Variants in TMEM182 observed in about 807,000 individuals in gnomAD.
The protein encoded by TMEM182 is transmembrane protein 182.
In TMEM182, 20 loss-of-function variants were observed where a neutral mutation model predicts 26.8. That is an observed-to-expected ratio of 0.75 (90% CI 0.53 to 1.09). The LOEUF is 1.09. Among genes scored for constraint, TMEM182 ranks in the 50% least tolerant of loss-of-function variants. The pLI, the probability that TMEM182 is intolerant of heterozygous loss-of-function variation, is 0.00. For synonymous variants in TMEM182, 109 were observed against 102.2 expected (o/e 1.07, Z -0.40); for missense variants, 277 against 275.5 (o/e 1.01, Z -0.04).
chr2:102,778,969 T>C (rs1681045786), intron 3 of TMEM182, among the ~76,000 whole-genome samples: 1 of 152,160 alleles, frequency 6.6e-6, no homozygotes, highest in Non-Finnish European at 1.5e-5. Flanking sequence ...TTCTGTTATT[T>C]TGCTTTTGTT....
chr2:102,791,982 A>G (rs1469262496), intron 3 of TMEM182, among the ~76,000 whole-genome samples: 2 of 151,804 alleles, frequency 1.3e-5, no homozygotes, highest in African/African-American at 4.8e-5. Context: ...CAAAAATTGC[A>G]TAGGAATATA....
intron 3 of TMEM182, among the ~76,000 whole-genome samples, chr2:102,764,712 C>A (rs1017962193): frequency 2.0e-5 from 3 of 151,934 alleles, no homozygotes; most frequent in South Asian, 2.1e-4. Context: ...TTAAGAAGAA[C>A]CGCTTCTTAA....
At chr2:102,803,040 G>A (rs180874268) in intron 4 of TMEM182, among the ~76,000 whole-genome samples, 17 of 152,328 alleles carry the variant, frequency 1.1e-4, no homozygotes, top group Non-Finnish European at 1.8e-4. Flanking sequence ...CTACCTAGAC[G>A]TCTTGAGAGT....
chr2:102,779,743 T>A (rs1439601566), intron 3 of TMEM182, among the ~76,000 whole-genome samples: 1 of 152,076 alleles, frequency 6.6e-6, no homozygotes, highest in Non-Finnish European at 1.5e-5. Context: ...ATGCTTGTAA[T>A]CCCAGCATTT....
chr2:102,749,136 C>A (rs987269083), intron 1 of TMEM182, among the ~76,000 whole-genome samples: 1 of 151,972 alleles, frequency 6.6e-6, no homozygotes, highest in African/African-American at 2.4e-5. Flanking sequence ...AATGTAAAAT[C>A]CTGAACCTAT....
upstream of TMEM182, chr2:102,762,003 T>G (rs1680229397): frequency 2.3e-6 from 1 of 428,152 alleles, no homozygotes; most frequent in Non-Finnish European, 4.2e-6. Flanking sequence ...TGGGCTGGAG[T>G]TCCTCCAGGG....
At chr2:102,738,728 T>C (rs912102686) in intron 1 of TMEM182, among the ~76,000 whole-genome samples, 7 of 152,166 alleles carry the variant, frequency 4.6e-5, no homozygotes, top group African/African-American at 1.7e-4. Flanking sequence ...CAGAATTCAC[T>C]AGTATAGATG....
intron 1 of TMEM182, among the ~76,000 whole-genome samples, chr2:102,753,444 G>T (rs923483553): frequency 6.6e-5 from 10 of 152,136 alleles, no homozygotes; most frequent in Admixed American, 5.9e-4. Context: ...ATTCATTGGG[G>T]TCTAGATGCT....
intron 3 of TMEM182, among the ~76,000 whole-genome samples, chr2:102,842,432 G>T (rs1281626944): frequency 6.6e-6 from 1 of 152,148 alleles, no homozygotes; most frequent in East Asian, 1.9e-4. Context: ...TCACACAGCT[G>T]CTTATCAGGA....
At chr2:102,777,640 C>G (rs1034219094) in intron 3 of TMEM182, among the ~76,000 whole-genome samples, 7 of 151,930 alleles carry the variant, frequency 4.6e-5, no homozygotes, top group Admixed American at 1.3e-4. Flanking sequence ...GCTGAATTTA[C>G]TTATTAGTTC....
At position 102,799,577 on chromosome 2, in the gene TMEM182, A is replaced by T. The variant is rs374698258; in HGVS notation, c.469+1577A>T. Among the ~76,000 whole-genome samples the T allele has an allele frequency of 2.6e-5, 4 of 152,340 alleles. No individual in the cohort carries two copies. In the East Asian group the frequency reaches 7.7e-4, roughly 29 times the overall value. ...GGATGGGCAGCTGTGTAGAAATATG[A>T]TTGGACAAAAAGGGCAGGATCTAAT... is the stretch of plus-strand genomic sequence containing the variant. On this transcript the variant is annotated intron_variant, in intron 4 of 4. Coordinates refer to ENST00000412401, the MANE Select transcript of TMEM182 (RefSeq NM_144632.5).
At chr2:102,791,263 T>C (rs1488479480) in intron 3 of TMEM182, among the ~76,000 whole-genome samples, 1 of 152,190 alleles carries the variant, frequency 6.6e-6, no homozygotes, top group Non-Finnish European at 1.5e-5. Context: ...AACAACAGAA[T>C]ACTTCTCAAA....
At chr2:102,803,159 G>A (rs1009681762) in intron 4 of TMEM182, among the ~76,000 whole-genome samples, 1 of 152,232 alleles carries the variant, frequency 6.6e-6, no homozygotes, top group Non-Finnish European at 1.5e-5. Flanking sequence ...GCCAAGTTGA[G>A]TCTTGTTTCC....
Position 102,816,132 on chromosome 2 carries a change from A to G in TMEM182, c.*1164A>G, listed in dbSNP as rs1682735164. The G allele has an allele frequency of 2.0e-6, 2 of 985,304 alleles. No individual in the cohort carries two copies. Among genetic ancestry groups the G allele is most frequent in the African/African-American group, 1.7e-5 (1 of 57,226 alleles). The allele number at this position is 985,304 out of a possible 1,614,324, so 61.0% of individuals were successfully genotyped here. A position where few individuals can be genotyped will look rare whatever the true frequency, so the allele number is the denominator to read the frequency against. The stretch of plus-strand genomic sequence containing the variant: ...AGTAGCATAGACATTTTGCATATCA[A>G]AGATGTTCATTTGGCACTAATGTTG... On this transcript the variant is annotated 3_prime_UTR_variant, in exon 5 of 5. Transcript: ENST00000412401.
intron 3 of TMEM182, among the ~76,000 whole-genome samples, chr2:102,840,519 G>GT (rs1357790794): frequency 1.3e-5 from 2 of 152,202 alleles, no homozygotes; most frequent in Non-Finnish European, 2.9e-5. Flanking sequence ...AGTGGGTCAG[G>GT]TAAGTGATCC....
chr2:102,754,911 T>C (rs1015933178), intron 1 of TMEM182, among the ~76,000 whole-genome samples: 1 of 152,226 alleles, frequency 6.6e-6, no homozygotes, highest in African/African-American at 2.4e-5. Context: ...AAGCCTTCTG[T>C]TGCTTATAGT....
intron 3 of TMEM182, among the ~76,000 whole-genome samples, chr2:102,826,806 C>T (rs577205138): frequency 2.0e-5 from 3 of 152,012 alleles, no homozygotes; most frequent in Non-Finnish European, 2.9e-5. Context: ...GGGAGCGGGT[C>T]GCAATAGTAA....
chr2:102,798,063 C>A, intron 4 of TMEM182, 63 bp downstream of exon 4: 1 of 1,549,316 alleles, frequency 6.5e-7, no homozygotes, highest in Non-Finnish European at 8.7e-7. Flanking sequence ...TTCTATTTTT[C>A]ATTTCTATAT....
intron 3 of TMEM182, among the ~76,000 whole-genome samples, chr2:102,842,388 A>G (rs536021935): frequency 2.6e-5 from 4 of 152,238 alleles, no homozygotes; most frequent in East Asian, 1.9e-4. Flanking sequence ...GCCGTTTCCA[A>G]TGTTGCACTA....
Sources: allele counts gnomAD v4.1 joint callset (sites outside exome capture counted in the v4.1 genomes callset), GRCh38; gene constraint gnomAD v4.1.1; transcripts MANE v1.5; gene names NCBI Gene and HGNC (gene_info 2026-07-23, HGNC 2026-07-21).